Variants in SP110 observed in about 807,000 individuals in gnomAD.
The protein encoded by SP110 is interferon-induced protein 41, 30kD.
SP110 carries 62 observed loss-of-function variants against 92.7 expected under a neutral mutation model. The observed-to-expected ratio is 0.67, with a 90% confidence interval of 0.55 to 0.83. The LOEUF (loss-of-function observed/expected upper bound fraction) is 0.83. Among genes scored for constraint, SP110 ranks in the 40% least tolerant of loss-of-function variants. SP110 has a pLI of 0.00. For synonymous variants in SP110, 273 were observed against 305.3 expected (o/e 0.89, Z 1.10); for missense variants, 793 against 863.9 (o/e 0.92, Z 1.03).
intron 1 of SP110, among the ~76,000 whole-genome samples, chr2:230,217,208 T>TG (rs1352538699): frequency 1.5e-5 from 2 of 131,558 alleles, no homozygotes; most frequent in African/African-American, 3.0e-5. Flanking sequence ...ATTGTGCCAC[T>TG]GCACTCCAGC....
At chr2:230,189,380 G>T (rs2042505479) in intron 10 of SP110, among the ~76,000 whole-genome samples, 1 of 152,020 alleles carries the variant, frequency 6.6e-6, no homozygotes, top group East Asian at 1.9e-4. Context: ...GATAATTTAT[G>T]TCACTGTTAC....
At chr2:230,174,977 G>A (rs1377884755) in intron 14 of SP110, among the ~76,000 whole-genome samples, 2 of 152,166 alleles carry the variant, frequency 1.3e-5, no homozygotes, top group Non-Finnish European at 2.9e-5. Context: ...GCTGACATGT[G>A]GCATTAGGAG....
upstream of SP110, among the ~76,000 whole-genome samples, chr2:230,222,101 A>G (rs1347022365): frequency 1.3e-5 from 2 of 152,066 alleles, no homozygotes; most frequent in Non-Finnish European, 2.9e-5. Flanking sequence ...GTGGTGGCAC[A>G]TGCCTGTAAT....
At chr2:230,184,591 TCTAA>T (rs1321006208) in intron 11 of SP110, among the ~76,000 whole-genome samples, 3 of 152,178 alleles carry the variant, frequency 2.0e-5, no homozygotes, top group African/African-American at 4.8e-5. Flanking sequence ...GATTTGTCTA[TCTAA>T]CTAAGCAAAT....
Position 230,225,409 on chromosome 2 carries a change from G to A in SP110, c.-64+126C>T, listed in dbSNP as rs886606513. ...CCATCCAGCCCAGGCTCACTAAGGT[G>A]CATGGCCAGCCCTGGAGCCTGACTG... On this transcript the variant is annotated intron_variant, in intron 1 of 15. Transcript: ENST00000540870. 1.4e-5 allele frequency: 4 copies of A among 293,754 alleles called. No homozygotes were observed. In the Admixed American group the frequency reaches 1.5e-4, roughly 11 times the overall value. 18.2% of individuals were successfully genotyped at this position (293,754 alleles called of 1,614,324 possible). A position where few individuals can be genotyped will look rare whatever the true frequency, so the allele number is the denominator to read the frequency against.
upstream of SP110, among the ~76,000 whole-genome samples, chr2:230,222,695 C>CAAAAAAA (rs34703280): frequency 8.0e-6 from 1 of 124,226 alleles, no homozygotes. Context: ...GACCCTGTCT[C>CAAAAAAA]AAAAAAAAAA....
intron 12 of SP110, among the ~76,000 whole-genome samples, chr2:230,179,800 A>G (rs1331727568): frequency 6.6e-6 from 1 of 151,844 alleles, no homozygotes; most frequent in Non-Finnish European, 1.5e-5. Context: ...CAGATGAGGG[A>G]GCAGGGGGTG....
exon 1 of SP110, chr2:230,225,629 C>T: frequency 1.6e-6 from 1 of 608,640 alleles, no homozygotes; most frequent in South Asian, 1.9e-5. Flanking sequence ...CCTCGTGGGG[C>T]TGGCTCTGCT....
Position 230,211,683 on chromosome 2 carries a change from TG to T in SP110, c.668-131del. 1.4e-6 allele frequency: 1 copy of T among 692,494 alleles called. No homozygotes were observed. The highest frequency in any genetic ancestry group is 2.7e-5 in the East Asian group (1 of 37,596). 42.9% of individuals were successfully genotyped at this position (692,494 alleles called of 1,614,324 possible). A position where few individuals can be genotyped will look rare whatever the true frequency, so the allele number is the denominator to read the frequency against. ...ACAGCAACCAAGGCCTGGGAAAGGA[TG>T]GCATAGAGTGGGAAAGTAAGCAACC... is the stretch of plus-strand genomic sequence containing the variant. On this transcript the variant is annotated intron_variant, in intron 5 of 18. Transcript: ENST00000258381. This position sits in a 1 kb window ranked among gnomAD's most constrained non-coding sequence, Gnocchi z 4.2.
chr2:230,208,824 A>C (rs2044158236), intron 7 of SP110, among the ~76,000 whole-genome samples: 1 of 152,168 alleles, frequency 6.6e-6, no homozygotes, highest in South Asian at 2.1e-4. Flanking sequence ...GTCTTCCAAG[A>C]CTTGCCAGAG....
At chr2:230,172,339 TC>T in intron 15 of SP110, 165 bp from the exon 16 acceptor site, 1 of 678,236 alleles carries the variant, frequency 1.5e-6, no homozygotes, top group Non-Finnish European at 2.7e-6. Context: ...CATTGGCCCT[TC>T]CCTCGCATCA....
At chr2:230,189,979 G>A (rs982840753) in intron 10 of SP110, among the ~76,000 whole-genome samples, 3 of 152,116 alleles carry the variant, frequency 2.0e-5, no homozygotes, top group African/African-American at 4.8e-5. Flanking sequence ...TTGGTTCCAC[G>A]TCTTTGCTAT....
At chr2:230,189,360 T>C (rs1350840836) in intron 10 of SP110, among the ~76,000 whole-genome samples, 1 of 152,144 alleles carries the variant, frequency 6.6e-6, no homozygotes, top group Non-Finnish European at 1.5e-5. Flanking sequence ...TGCTGTATCC[T>C]AGAAGTTTTG....
At chr2:230,206,523 C>T (rs1405550636) in intron 8 of SP110, among the ~76,000 whole-genome samples, 2 of 143,746 alleles carry the variant, frequency 1.4e-5, no homozygotes, top group Non-Finnish European at 3.0e-5. Flanking sequence ...GATCAGAATA[C>T]CTTTATTTTA....
intron 10 of SP110, chr2:230,200,460 A>G (rs2148848154): frequency 1.1e-5 from 2 of 185,666 alleles, no homozygotes; most frequent in South Asian, 1.0e-4. Context: ...ATTTTCTCAG[A>G]AAGGCCACAT....
intron 10 of SP110, among the ~76,000 whole-genome samples, chr2:230,191,564 C>T (rs953886966): frequency 3.9e-5 from 6 of 151,976 alleles, no homozygotes; most frequent in Non-Finnish European, 8.8e-5. Context: ...ACACATACAC[C>T]CTATCAAGAC....
At chr2:230,193,215 C>T (rs1254922270) in intron 10 of SP110, among the ~76,000 whole-genome samples, 1 of 152,118 alleles carries the variant, frequency 6.6e-6, no homozygotes, top group Non-Finnish European at 1.5e-5. Context: ...TATCTTTTTT[C>T]ACCCTTATAC....
In SP110 at chr2:230,204,245, G is replaced by A. The variant is rs548948564; in HGVS notation, c.899-1517C>T. ...TGACCATCTGACACTGACTCCAGAG[G>A]TTTCCCCTCTCTAACAAAGTCACTT... On this transcript the variant is annotated intron_variant, in intron 8 of 18. Coordinates refer to ENST00000258381, the MANE Select transcript of SP110 (RefSeq NM_080424.4). Among the ~76,000 whole-genome samples the A allele has an allele frequency of 4.6e-5, 7 of 152,288 alleles. No individual in the cohort carries two copies. In the South Asian group the frequency reaches 1.5e-3, roughly 32 times the overall value.
At chr2:230,190,733 A>G (rs1332260749) in intron 10 of SP110, among the ~76,000 whole-genome samples, 2 of 152,050 alleles carry the variant, frequency 1.3e-5, no homozygotes, top group Non-Finnish European at 2.9e-5. Flanking sequence ...TATTTTTTGT[A>G]TAAGATGTGA....
Sources: gnomAD v4.1 joint callset for allele counts (sites outside exome capture counted in the v4.1 genomes callset) on GRCh38, gnomAD v4.1.1 for gene constraint, Gnocchi (gnomAD v3.1) non-coding constraint, MANE v1.5 for transcripts, NCBI Gene and HGNC (gene_info 2026-07-23, HGNC 2026-07-21) for gene names.